The following TAFA1 variants were observed in gnomAD, a reference collection of about 807,000 sequenced individuals.
The protein encoded by TAFA1 is TAFA chemokine like family member 1.
TAFA1 carries 4 observed loss-of-function variants against 18.5 expected under a neutral mutation model. The ratio of observed to expected loss-of-function variants is 0.22; its 90% CI spans 0.11 to 0.49. The LOEUF (loss-of-function observed/expected upper bound fraction) is 0.49. Among genes scored for constraint, TAFA1 ranks in the 20% least tolerant of loss-of-function variants. The pLI is 0.98. For synonymous variants in TAFA1, 56 were observed against 55.2 expected (o/e 1.01, Z -0.06); for missense variants, 147 against 169.0 (o/e 0.87, Z 0.72).
intron 2 of TAFA1, among the ~76,000 whole-genome samples, chr3:68,361,658 A>AG (rs1171087097): frequency 2.0e-5 from 3 of 151,878 alleles, no homozygotes; most frequent in Non-Finnish European, 4.4e-5. Flanking sequence ...ACAAAGGAAA[A>AG]AAAAAACAAG....
intron 2 of TAFA1, among the ~76,000 whole-genome samples, chr3:68,189,757 C>G (rs1184446668): frequency 6.6e-6 from 1 of 151,922 alleles, no homozygotes; most frequent in Admixed American, 6.6e-5. Flanking sequence ...TTATACCTTC[C>G]TCATAGGCTG....
At chr3:68,352,286 T>C (rs1484889595) in intron 2 of TAFA1, among the ~76,000 whole-genome samples, 1 of 152,000 alleles carries the variant, frequency 6.6e-6, no homozygotes, top group African/African-American at 2.4e-5. Flanking sequence ...AGCAGGTTTA[T>C]TAACGCATGC....
intron 2 of TAFA1, among the ~76,000 whole-genome samples, chr3:68,227,926 G>A (rs1050097980): frequency 6.6e-6 from 1 of 152,272 alleles, no homozygotes; most frequent in Non-Finnish European, 1.5e-5. Flanking sequence ...ATCACTGGCC[G>A]TAACTTGGAG....
At chr3:68,439,408 C>CATATATAT (rs1341782542) in intron 3 of TAFA1, among the ~76,000 whole-genome samples, 12 of 28,228 alleles carry the variant, frequency 4.3e-4, no homozygotes, top group South Asian at 1.6e-3. Context: ...AATATATATA[C>CATATATAT]ATACATATAT....
chr3:68,338,256 T>C (rs920159541), intron 2 of TAFA1, among the ~76,000 whole-genome samples: 1 of 152,200 alleles, frequency 6.6e-6, no homozygotes, highest in Non-Finnish European at 1.5e-5. Flanking sequence ...GTTCAAAAAA[T>C]AAATCCCTGT....
At chr3:68,001,579 G>GTT (rs79820862), upstream of TAFA1, among the ~76,000 whole-genome samples, 26 of 135,762 alleles carry the variant, frequency 1.9e-4, no homozygotes, top group East Asian at 1.5e-3. Flanking sequence ...TGTTGTTGTT[G>GTT]TTTTTTTTTT....
chr3:68,414,612 C>A (rs975600342), intron 2 of TAFA1, among the ~76,000 whole-genome samples: 3 of 152,158 alleles, frequency 2.0e-5, no homozygotes, highest in African/African-American at 7.2e-5. Context: ...ATTAATACAG[C>A]ATCCAGCACC....
intron 3 of TAFA1, among the ~76,000 whole-genome samples, chr3:68,463,917 A>G (rs1480531618): frequency 2.0e-5 from 3 of 152,168 alleles, no homozygotes; most frequent in African/African-American, 7.2e-5. Flanking sequence ...TCAGATTTAG[A>G]CAAATTCAGT....
intron 2 of TAFA1, among the ~76,000 whole-genome samples, chr3:68,160,675 T>A (rs1205421486): frequency 6.6e-6 from 1 of 152,232 alleles, no homozygotes; most frequent in Non-Finnish European, 1.5e-5. Context: ...TCATTAGCCA[T>A]TTTTGGTAAT....
At chr3:68,068,412 G>A (rs1462487357) in intron 2 of TAFA1, among the ~76,000 whole-genome samples, 1 of 152,032 alleles carries the variant, frequency 6.6e-6, no homozygotes, top group East Asian at 1.9e-4. Flanking sequence ...GTTTATATTA[G>A]CTGGCTATTT....
At chr3:68,375,360 A>G (rs927848206) in intron 2 of TAFA1, among the ~76,000 whole-genome samples, 1 of 152,188 alleles carries the variant, frequency 6.6e-6, no homozygotes, top group Non-Finnish European at 1.5e-5. Context: ...AACGAAGTTG[A>G]TTAAAATCAT....
intron 2 of TAFA1, among the ~76,000 whole-genome samples, chr3:68,133,299 A>G (rs1354315226): frequency 1.3e-5 from 2 of 152,104 alleles, no homozygotes; most frequent in African/African-American, 2.4e-5. Flanking sequence ...GTCAGGTAGC[A>G]TGATGCTTCC....
intron 2 of TAFA1, among the ~76,000 whole-genome samples, chr3:68,270,039 G>A (rs747015678): frequency 5.0e-4 from 76 of 152,124 alleles, no homozygotes; most frequent in Non-Finnish European, 9.9e-4. Flanking sequence ...AGGCTAAAAG[G>A]CATGCTGCAG....
At chr3:68,326,482 A>T (rs1037638823) in intron 2 of TAFA1, among the ~76,000 whole-genome samples, 19 of 152,194 alleles carry the variant, frequency 1.2e-4, no homozygotes, top group African/African-American at 4.6e-4. Context: ...TCATATGTTC[A>T]CATCAGTCTT....
intron 2 of TAFA1, among the ~76,000 whole-genome samples, chr3:68,412,811 A>G (rs2070741213): frequency 6.6e-6 from 1 of 152,198 alleles, no homozygotes; most frequent in Non-Finnish European, 1.5e-5. Context: ...AGTCTTTGTT[A>G]TTGTGAATAG....
At chr3:68,443,339 C>T (rs1360983966) in intron 3 of TAFA1, among the ~76,000 whole-genome samples, 5 of 151,962 alleles carry the variant, frequency 3.3e-5, no homozygotes, top group Non-Finnish European at 7.4e-5. Context: ...CAAAAAGAGA[C>T]AGCCCTAAGT....
At chr3:68,066,194 T>C (rs1228939855) in intron 2 of TAFA1, among the ~76,000 whole-genome samples, 2 of 152,200 alleles carry the variant, frequency 1.3e-5, no homozygotes, top group Non-Finnish European at 2.9e-5. Context: ...CATTTTATTA[T>C]ATATCAATAA....
intron 3 of TAFA1, among the ~76,000 whole-genome samples, chr3:68,480,487 C>T (rs756213229): frequency 1.2e-4 from 18 of 152,206 alleles, no homozygotes; most frequent in African/African-American, 3.1e-4. Context: ...GAGTGCAGTA[C>T]GGTAATCTCT....
intron 2 of TAFA1, among the ~76,000 whole-genome samples, chr3:68,028,214 C>G (rs965014346): frequency 6.6e-6 from 1 of 152,050 alleles, no homozygotes; most frequent in Admixed American, 6.6e-5. Context: ...GCAGGAGAAT[C>G]GCTTGAGCCT....
Sources: gnomAD v4.1 joint callset for allele counts (sites outside exome capture counted in the v4.1 genomes callset) on GRCh38, gnomAD v4.1.1 for gene constraint, MANE v1.5 for transcripts, NCBI Gene and HGNC (gene_info 2026-07-23, HGNC 2026-07-21) for gene names.